EML4: variants seen among roughly 807,000 people sequenced by gnomAD.
EML4 encodes EMAP like 4.
EML4 carries 72 observed loss-of-function variants against 129.0 expected under a neutral mutation model. The ratio of observed to expected loss-of-function variants is 0.56; its 90% CI spans 0.46 to 0.68. EML4 has a LOEUF of 0.68. Ranked by LOEUF, EML4 falls within the 30% of genes least tolerant of loss-of-function variation. The probability of loss-of-function intolerance (pLI) is 0.00; values close to 1 mark genes in which losing one functional copy is unlikely to be tolerated. For synonymous variants in EML4, 532 were observed against 405.0 expected (o/e 1.31, Z -3.77); for missense variants, 1,363 against 1,190.6 (o/e 1.14, Z -2.13).
intron 17 of EML4, among the ~76,000 whole-genome samples, chr2:42,305,012 T>C (rs1320819640): frequency 6.6e-6 from 1 of 151,996 alleles, no homozygotes; most frequent in African/African-American, 2.4e-5. Context: ...CCAGCTATTC[T>C]GGAGGCTGAG....
Position 42,313,038 on chromosome 2 carries a change from G to A in EML4, c.1968-2924G>A, listed in dbSNP as rs186133766. Among the ~76,000 whole-genome samples the A allele has an allele frequency of 3.9e-4, 53 of 136,064 alleles. No individual in the cohort carries two copies. In the East Asian group the frequency reaches 0.01, roughly 26 times the overall value. The allele number at this position is 136,064 out of a possible 152,430, so 89.3% of individuals were successfully genotyped here. On this transcript the variant is annotated intron_variant, in intron 17 of 22. Coordinates refer to ENST00000318522, the MANE Select transcript of EML4 (RefSeq NM_019063.5). ...ATGTCAGCTTGCGGCAAGCTCCACC[G>A]CCTGCGTTCACGCCATTCTCCTGCC...
At chr2:42,276,673 T>C (rs1007978562) in intron 6 of EML4, among the ~76,000 whole-genome samples, 1 of 152,244 alleles carries the variant, frequency 6.6e-6, no homozygotes, top group African/African-American at 2.4e-5. Context: ...TGATGTCTTA[T>C]TTAATCACTT....
chr2:42,283,011 A>C, intron 8 of EML4, 39 bp downstream of exon 8: 1 of 1,531,006 alleles, frequency 6.5e-7, no homozygotes, highest in Non-Finnish European at 8.8e-7. Context: ...TTGTTCTTTC[A>C]GGCCCTCATT....
Position 42,282,875 on chromosome 2 carries a change from G to C in EML4, c.844G>C (p.Gly282Arg). 1 of 1,612,054 alleles carries C rather than the reference G, an allele frequency of 6.2e-7. No homozygotes were observed. Among genetic ancestry groups the C allele is most frequent in the Non-Finnish European group, 8.5e-7 (1 of 1,178,256 alleles). The change falls in exon 8 of 23, where the codon GGG becomes CGG. Residue 282 changes from glycine to arginine, a missense_variant. Gly to Arg is a moderately radical substitution (Grantham distance 125, BLOSUM62 -2). Coordinates refer to ENST00000318522, the MANE Select transcript of EML4 (RefSeq NM_019063.5). ...CRANVYLLPT[G>R]KIVYFIASVV... ...AGCTAATGTTTACCTTCTTCCGACC[G>C]GGAAAATAGTTTATTTCATTGCATC... is the stretch of plus-strand genomic sequence containing the variant.
rs1268176662 is a variant in EML4 at position 42,281,183 on chromosome 2, G to A, written c.791+210G>A. 3.3e-5 allele frequency among the ~76,000 whole-genome samples: 5 copies of A among 152,074 alleles called. No homozygotes were observed. The South Asian group carries it at 6.2e-4, about 19-fold the overall frequency. On this transcript the variant is annotated intron_variant, in intron 7 of 22. Coordinates refer to ENST00000318522, the MANE Select transcript of EML4 (RefSeq NM_019063.5). ...CCGAGGCAGGCGGATCACAAAGTCAGTAGTTCAAGACCAGCCTAGTCAACA... is the reference window on the plus strand; with the variant it reads ...CCGAGGCAGGCGGATCACAAAGTCAATAGTTCAAGACCAGCCTAGTCAACA...
chr2:42,175,654 G>A (rs939633469), intron 1 of EML4, among the ~76,000 whole-genome samples: 1 of 151,764 alleles, frequency 6.6e-6, no homozygotes, highest in Non-Finnish European at 1.5e-5. Flanking sequence ...GTGCACCACC[G>A]CACCCAGCTA....
chr2:42,302,822 C>T (rs1193905715), intron 14 of EML4, among the ~76,000 whole-genome samples: 1 of 152,184 alleles, frequency 6.6e-6, no homozygotes, highest in Non-Finnish European at 1.5e-5. Context: ...GTGTGAGCCA[C>T]CATGCCCAGC....
intron 9 of EML4, 187 bp from the exon 10 acceptor site, chr2:42,286,082 T>C: frequency 1.6e-6 from 1 of 627,720 alleles, no homozygotes; most frequent in Non-Finnish European, 2.9e-6. Context: ...TATTTGCTGC[T>C]ATTTTCTTAT....
intron 1 of EML4, among the ~76,000 whole-genome samples, chr2:42,203,066 AAATAG>A (rs772625581): frequency 2.1e-4 from 32 of 152,346 alleles, no homozygotes; most frequent in Admixed American, 1.3e-4. Context: ...ACATATTTCA[AAATAG>A]AATAGAATAG....
At position 42,303,406 on chromosome 2, in the gene EML4, A is replaced by T. The variant is rs182236789; in HGVS notation, c.1859A>T (p.Asn620Ile). The change falls in exon 16 of 23, where the codon AAC becomes ATC. Residue 620 changes from asparagine to isoleucine, a missense_variant. Transcript: ENST00000318522. ...CAQDRQVCLW[N>I]SMEHRLEWTR... is the part of the protein sequence containing the mutation. ...CAGGACAGGCAGGTGTGCCTGTGGA[A>T]CTCAATGGAACACAGGCTGGAATGG... The T allele has an allele frequency of 6.2e-7, 1 of 1,614,102 alleles. No individual in the cohort carries two copies.
chr2:42,278,954 T>C (rs1050163592), intron 6 of EML4, among the ~76,000 whole-genome samples: 34 of 152,070 alleles, frequency 2.2e-4, no homozygotes, highest in Non-Finnish European at 4.7e-4. Context: ...AAAAATGTAT[T>C]GATTTGATTC....
intron 1 of EML4, among the ~76,000 whole-genome samples, chr2:42,188,920 A>G (rs1671423753): frequency 6.6e-6 from 1 of 152,212 alleles, no homozygotes; most frequent in African/African-American, 2.4e-5. Context: ...GCTTGAGCCC[A>G]GGTAGGCAGC....
chr2:42,284,835 C>T, intron 9 of EML4, 132 bp downstream of exon 9: 1 of 545,456 alleles, frequency 1.8e-6, no homozygotes, highest in Non-Finnish European at 3.1e-6. Flanking sequence ...CTAGTATAAG[C>T]ATGGAAAAAA....
chr2:42,269,488 A>T (rs1666251853), intron 6 of EML4, among the ~76,000 whole-genome samples: 1 of 152,198 alleles, frequency 6.6e-6, no homozygotes. Flanking sequence ...ACTGTGTGGA[A>T]CTTACATTCA....
chr2:42,273,924 A>T (rs949410247), intron 6 of EML4, among the ~76,000 whole-genome samples: 7 of 152,186 alleles, frequency 4.6e-5, no homozygotes, highest in African/African-American at 1.7e-4. Context: ...TAAAATACTG[A>T]ATTATAACCA....
chr2:42,293,230 C>T (rs1341519846), intron 11 of EML4, among the ~76,000 whole-genome samples: 3 of 152,046 alleles, frequency 2.0e-5, no homozygotes, highest in Non-Finnish European at 2.9e-5. Context: ...CAGCCTCAGC[C>T]TCCCAAGTAG....
intron 21 of EML4, among the ~76,000 whole-genome samples, chr2:42,327,750 TAAA>T (rs1206540274): frequency 3.3e-5 from 5 of 152,202 alleles, no homozygotes; most frequent in Non-Finnish European, 7.3e-5. Context: ...TGCAAAGAAT[TAAA>T]AAGAAGTGTT....
At chr2:42,227,907 TAA>T (rs1452953466) in intron 1 of EML4, among the ~76,000 whole-genome samples, 3 of 152,114 alleles carry the variant, frequency 2.0e-5, no homozygotes, top group Non-Finnish European at 4.4e-5. Flanking sequence ...TATTAATAGT[TAA>T]GTTTGTAGGG....
At chr2:42,237,626 A>G (rs1674758732) in intron 1 of EML4, among the ~76,000 whole-genome samples, 1 of 152,220 alleles carries the variant, frequency 6.6e-6, no homozygotes, top group Non-Finnish European at 1.5e-5. Flanking sequence ...GACTACTGAT[A>G]GCCTACTATT....
Sources: gnomAD v4.1 joint callset for allele counts (sites outside exome capture counted in the v4.1 genomes callset) on GRCh38, gnomAD v4.1.1 for gene constraint, MANE v1.5 for transcripts, NCBI Gene and HGNC (gene_info 2026-07-23, HGNC 2026-07-21) for gene names.